The following TLE3 variants were observed in gnomAD, a reference collection of about 807,000 sequenced individuals.
TLE3 encodes the protein transducin-like enhancer protein 3.
A neutral mutation model predicts 93.0 loss-of-function variants in TLE3; 14 were observed. The observed-to-expected ratio is 0.15, with a 90% CI of 0.10 to 0.24. The LOEUF (loss-of-function observed/expected upper bound fraction) is 0.24. TLE3 is among the 10% of genes least tolerant of loss of function. The pLI, the probability that TLE3 is intolerant of heterozygous loss-of-function variation, is 1.00. For synonymous variants in TLE3, 451 were observed against 425.0 expected, an observed-to-expected ratio of 1.06 and a Z score of -0.75; for missense variants, 693 against 1,046.6, an observed-to-expected ratio of 0.66 and a Z score of 4.66.
At chr15:70,066,990 T>C (rs956747830) in intron 6 of TLE3, 2 of 260,984 alleles carry the variant, frequency 7.7e-6, no homozygotes, top group Admixed American at 4.4e-5. Flanking sequence ...AAGATAATGT[T>C]TGCAGCAGCT....
Position 70,057,673 on chromosome 15 carries a change from C to G in TLE3, c.1052-15G>C, listed in dbSNP as rs753810698. ...CAGAGCCGAGGCTGCGAGGGGTGGG[C>G]GTCAGGGAGGTGGGCCTTAGGTGGA... On this transcript the variant is annotated splice_polypyrimidine_tract_variant and intron_variant, in intron 12 of 19. Transcript: ENST00000451782. 1.2e-5 allele frequency: 19 copies of G among 1,555,598 alleles called. No homozygotes were observed. The East Asian group carries it at 4.5e-4, about 37-fold the overall frequency.
Position 70,054,446 on chromosome 15 carries a change from G to A in TLE3, c.1818C>T (p.Thr606=), listed in dbSNP as rs562907167. 6.5e-5 allele frequency: 105 copies of A among 1,613,336 alleles called. No homozygotes were observed. The East Asian group carries it at 2.2e-3, about 34-fold the overall frequency. The change falls in exon 16 of 20, where the codon ACC becomes ACT. Residue 606 remains threonine (T), a synonymous_variant. Transcript: ENST00000451782. ...CCCTCCTGCCGGCTCACCTGACCAG[G>A]GTCTGGTTGTGCAGGTCCCAGACAG... ...NIAVWDLHNQ[T]LVRQFQGHTD... is the part of the protein sequence containing the mutation.
intron 19 of TLE3, chr15:70,050,627 T>C (rs2055433880): frequency 6.1e-6 from 1 of 163,388 alleles, no homozygotes; most frequent in African/African-American, 2.4e-5. Context: ...TGCCACCTGA[T>C]GTTTGAAGCA....
chr15:70,047,853 A>G lies in TLE3; in HGVS notation c.*2244T>C, dbSNP rs2055210460. 6.6e-6 allele frequency: 1 copy of G among 152,216 alleles called. No individual in the cohort carries two copies. The highest frequency in any genetic ancestry group is 2.4e-5 in the African/African-American group (1 of 41,442). 9.4% of individuals were successfully genotyped at this position (152,216 alleles called of 1,614,324 possible). ...AAAGTTTTGCATTGACAGCTGTACA[A>G]TACTTTGGTGTTAACCTGTGGTCTT... On this transcript the variant is annotated 3_prime_UTR_variant, in exon 20 of 20. Coordinates refer to ENST00000451782, the MANE Select transcript of TLE3 (RefSeq NM_001105192.3).
At chr15:70,052,932 G>T in intron 17 of TLE3, 1 of 408,672 alleles carries the variant, frequency 2.4e-6, no homozygotes, top group Non-Finnish European at 4.4e-6. Context: ...GACCTAGGAG[G>T]GTGCTACTAT....
In TLE3 at chr15:70,057,454, C is replaced by T. The variant is rs748074355; in HGVS notation, c.1251+5G>A. 4.4e-6 allele frequency: 7 copies of T among 1,593,804 alleles called. No individual in the cohort carries two copies. The highest frequency in any genetic ancestry group is 3.4e-5 in the South Asian group (3 of 87,802). ...CCCAAGAAAGGAGCCAAAAGGTCTACGTACAGCTCCAAAGCTCACCATTGG... is the reference window on the plus strand; with the variant it reads ...CCCAAGAAAGGAGCCAAAAGGTCTATGTACAGCTCCAAAGCTCACCATTGG... On this transcript the variant is annotated splice_donor_5th_base_variant and intron_variant, in intron 13 of 19. Transcript: ENST00000451782.
rs534822978 is a variant in TLE3 at position 70,074,763 on chromosome 15, G to A, written c.298-156C>T. On this transcript the variant is annotated intron_variant, in intron 5 of 19. Transcript: ENST00000451782. ...GGCACAAGTAGGGGGGAGGGTGACA[G>A]GCGATTTTACTTTCTCTTTTAGACC... Among the ~76,000 whole-genome samples, 3 of 152,332 alleles carry A rather than the reference G, an allele frequency of 2.0e-5. No individual in the cohort carries two copies. The South Asian group carries it at 6.2e-4, about 32-fold the overall frequency.
intron 14 of TLE3, 45 bp from the exon 15 acceptor site, chr15:70,055,343 C>G: frequency 1.3e-6 from 2 of 1,534,200 alleles, no homozygotes; most frequent in South Asian, 2.5e-5. Flanking sequence ...ACCCCGGCCC[C>G]TCAGAGTTCC....
intron 4 of TLE3, among the ~76,000 whole-genome samples, chr15:70,088,209 C>T (rs939297861): frequency 1.3e-5 from 2 of 152,212 alleles, no homozygotes; most frequent in Non-Finnish European, 2.9e-5. Flanking sequence ...CGAATTCAGA[C>T]TCTCCCATTA....
chr15:70,060,477 C>A (rs1044101225), intron 9 of TLE3, 53 bp downstream of exon 9: 8 of 1,607,402 alleles, frequency 5.0e-6, no homozygotes, highest in Non-Finnish European at 6.8e-6. Context: ...CTGCAGACAC[C>A]CCCTGCCCTA....
chr15:70,058,181 T>C lies in TLE3; in HGVS notation c.1029A>G (p.Lys343=), dbSNP rs746360089. ...TTPGLRSMPG[K]PPGMDPIASA... ...TACCTATCGGGTCCATGCCCGGAGGTTTACCCGGCATCGACCTGAGCCCTG... is the reference window on the plus strand; with the variant it reads ...TACCTATCGGGTCCATGCCCGGAGGCTTACCCGGCATCGACCTGAGCCCTG... The change falls in exon 12 of 20, where the codon AAA becomes AAG. Residue 343 remains lysine, a synonymous_variant. Coordinates refer to ENST00000451782, the MANE Select transcript of TLE3 (RefSeq NM_001105192.3). The surrounding 1 kb of genome is among the most constrained non-coding windows in gnomAD (Gnocchi z 4.1). 6.2e-7 allele frequency: 1 copy of C among 1,613,846 alleles called. No homozygotes were observed. The highest frequency in any genetic ancestry group is 1.7e-5 in the Admixed American group (1 of 60,004).
chr15:70,064,186 G>A (rs1299376448), intron 8 of TLE3, among the ~76,000 whole-genome samples: 3 of 152,248 alleles, frequency 2.0e-5, no homozygotes, highest in East Asian at 1.9e-4. Flanking sequence ...CTCAACAGGT[G>A]ACGACAGCAG....
At chr15:70,075,747 ACC>A (rs773485805) in intron 5 of TLE3, among the ~76,000 whole-genome samples, 3 of 152,228 alleles carry the variant, frequency 2.0e-5, no homozygotes, top group African/African-American at 4.8e-5. Context: ...GGCACTCTGT[ACC>A]AGGAACTGAG....
Position 70,072,929 on chromosome 15 carries a change from C to T in TLE3, c.372+1604G>A, listed in dbSNP as rs530511298. 4.8e-4 allele frequency among the ~76,000 whole-genome samples: 73 copies of T among 152,312 alleles called. 1 individual carries two copies. In the South Asian group the frequency reaches 0.014, roughly 30 times the overall value. ...CATGATTTCCCCTCTTGGGGTGCTG[C>T]CTTCCAGCACTGAACACTTCTTCAC... On this transcript the variant is annotated intron_variant, in intron 6 of 19. Coordinates refer to ENST00000451782, the MANE Select transcript of TLE3 (RefSeq NM_001105192.3).
chr15:70,089,502 C>A (rs532978807), intron 4 of TLE3, among the ~76,000 whole-genome samples: 6 of 152,320 alleles, frequency 3.9e-5, no homozygotes, highest in Admixed American at 3.9e-4. Flanking sequence ...GGCCAGCCCA[C>A]AACTAAAATC....
At chr15:70,076,070 G>C in intron 5 of TLE3, 26 bp downstream of exon 5, 3 of 1,611,184 alleles carry the variant, frequency 1.9e-6, no homozygotes, top group Non-Finnish European at 2.5e-6. Flanking sequence ...GAAAGAAAAG[G>C]AAGAAATAAT....
At position 70,096,807 on chromosome 15, in the gene TLE3, G is replaced by C. The variant is rs1284889157; in HGVS notation, c.-9C>G. On this transcript the variant is annotated 5_prime_UTR_variant, in exon 1 of 20. Transcript: ENST00000451782. ...CTGCCCTGCGGATACATGGCAGGGA[G>C]GGGTCGTGATTCCGAGAGCGTGGAA... is the stretch of plus-strand genomic sequence containing the variant. 1 of 1,612,256 alleles carries C rather than the reference G, an allele frequency of 6.2e-7. No homozygotes were observed. Among genetic ancestry groups the C allele is most frequent in the Non-Finnish European group, 8.5e-7 (1 of 1,179,518 alleles).
At chr15:70,060,412 T>C in intron 9 of TLE3, 118 bp downstream of exon 9, 1 of 1,379,498 alleles carries the variant, frequency 7.2e-7, no homozygotes, top group East Asian at 2.5e-5. Flanking sequence ...ATCGCCAACC[T>C]GTGCTTCTCT....
chr15:70,095,756 GCCC>G (rs2142106074), intron 2 of TLE3, 115 bp from the exon 3 acceptor site: 2 of 1,305,890 alleles, frequency 1.5e-6, no homozygotes, highest in East Asian at 2.6e-5. Flanking sequence ...CCCCGGGGGC[GCCC>G]CCATTATCCC....
Sources: gnomAD v4.1 joint callset for allele counts (sites outside exome capture counted in the v4.1 genomes callset) on GRCh38, gnomAD v4.1.1 for gene constraint, Gnocchi (gnomAD v3.1) non-coding constraint, MANE v1.5 for transcripts, NCBI Gene and HGNC (gene_info 2026-07-23, HGNC 2026-07-21) for gene names.